AMD1: variants seen among roughly 807,000 people sequenced by gnomAD.
AMD1 encodes adenosylmethionine decarboxylase 1.
A neutral mutation model predicts 40.2 loss-of-function variants in AMD1; 11 were observed. The observed-to-expected ratio is 0.27, with a 90% CI of 0.17 to 0.45. The LOEUF is 0.45. Among genes scored for constraint, AMD1 ranks in the 20% least tolerant of loss-of-function variants. AMD1 has a pLI of 1.00. For synonymous variants in AMD1, 121 were observed against 130.8 expected (o/e 0.93, Z 0.51); for missense variants, 257 against 410.2 (o/e 0.63, Z 3.23).
the AMD1 span, among the ~76,000 whole-genome samples, chr6:110,818,339 C>T: frequency 5.3e-5 from 8 of 152,050 alleles, no homozygotes; most frequent in Admixed American, 2.6e-4. Context: ...GAGGAATTCT[C>T]ATTGGTTTAC....
In AMD1 at chr6:110,890,220, TC is replaced by T. The variant is rs770753047; in HGVS notation, c.325-33del. 23 of 1,419,902 alleles carry T rather than the reference TC, an allele frequency of 1.6e-5. No individual in the cohort carries two copies. In the African/African-American group the frequency reaches 2.6e-4, roughly 16 times the overall value. The allele number at this position is 1,419,902 out of a possible 1,614,324, so 88.0% of individuals were successfully genotyped here. On this transcript the variant is annotated intron_variant, in intron 3 of 8. Coordinates refer to ENST00000368885, the MANE Select transcript of AMD1 (RefSeq NM_001634.6). ...TGATAGAATTCTACATCTAAAGTCA[TC>T]TTTTTTTTTCTTTCTTTTCTTTTTT... is the stretch of plus-strand genomic sequence containing the variant.
At chr6:110,873,778 C>T (rs1784964526), upstream of AMD1, among the ~76,000 whole-genome samples, 1 of 152,116 alleles carries the variant, frequency 6.6e-6, no homozygotes, top group Non-Finnish European at 1.5e-5. Flanking sequence ...TAAGTTACCA[C>T]CAGTGATAGC....
the AMD1 span, among the ~76,000 whole-genome samples, chr6:110,854,979 GAGA>G: frequency 2.6e-5 from 4 of 151,098 alleles, no homozygotes; most frequent in Non-Finnish European, 4.4e-5. Flanking sequence ...TGTGGAAAAT[GAGA>G]AGGTTAGGTT....
chr6:110,858,973 T>A, the AMD1 span: 6 of 1,130,202 alleles, frequency 5.3e-6, no homozygotes, highest in Admixed American at 1.7e-5. Context: ...TCGCTGCAGA[T>A]GGGCTACACG....
chr6:110,891,967 A>T, intron 4 of AMD1, 194 bp from the exon 5 acceptor site: 2 of 648,742 alleles, frequency 3.1e-6, no homozygotes, highest in Non-Finnish European at 5.4e-6. Flanking sequence ...CGAACTCTTG[A>T]CCTCAAGCCC....
chr6:110,819,827 G>A, the AMD1 span, among the ~76,000 whole-genome samples: 1 of 152,176 alleles, frequency 6.6e-6, no homozygotes, highest in Non-Finnish European at 1.5e-5. Flanking sequence ...CAGTAAAGAA[G>A]CTAGACAAAA....
chr6:110,864,586 T>G, the AMD1 span: 10 of 152,210 alleles, frequency 6.6e-5, no homozygotes, highest in Non-Finnish European at 1.5e-4. Context: ...ACATGGGCTT[T>G]TAAATTTCAA....
At chr6:110,853,272 A>G in the AMD1 span, among the ~76,000 whole-genome samples, 1 of 150,102 alleles carries the variant, frequency 6.7e-6, no homozygotes, top group African/African-American at 2.4e-5. Flanking sequence ...ACAGGTGTGT[A>G]CTACCATGTT....
chr6:110,843,425 C>CT, the AMD1 span, among the ~76,000 whole-genome samples: 12 of 148,896 alleles, frequency 8.1e-5, no homozygotes, highest in Non-Finnish European at 1.3e-4. Flanking sequence ...GATGGCCCCA[C>CT]TGCACTCCAG....
rs1315173758 is a variant in AMD1 at position 110,895,475 on chromosome 6, G to C, written c.*1859G>C. ...TTTTTGTTTTGTTTTGTTTTGTTTT[G>C]TTTCCAATAGAATTAAGAATTCTAA... On this transcript the variant is annotated 3_prime_UTR_variant, in exon 9 of 9. Coordinates refer to ENST00000368885, the MANE Select transcript of AMD1 (RefSeq NM_001634.6). 1 of 146,200 alleles carries C rather than the reference G, an allele frequency of 6.8e-6. No homozygotes were observed. The highest frequency in any genetic ancestry group is 2.6e-5 in the African/African-American group (1 of 38,714). The allele number at this position is 146,200 out of a possible 1,614,324, so 9.1% of individuals were successfully genotyped here.
chr6:110,877,271 G>C (rs1268188782), intron 1 of AMD1, among the ~76,000 whole-genome samples: 3 of 152,218 alleles, frequency 2.0e-5, no homozygotes, highest in Non-Finnish European at 4.4e-5. Context: ...AGTTAAGCAA[G>C]AACTGAAAAA....
At chr6:110,880,337 C>T (rs1165126884) in intron 1 of AMD1, among the ~76,000 whole-genome samples, 3 of 152,100 alleles carry the variant, frequency 2.0e-5, no homozygotes, top group Non-Finnish European at 4.4e-5. Context: ...TCTTTTCACT[C>T]GTTTCTTTTG....
chr6:110,878,888 C>A (rs1785249067), intron 1 of AMD1, among the ~76,000 whole-genome samples: 1 of 152,174 alleles, frequency 6.6e-6, no homozygotes, highest in African/African-American at 2.4e-5. Flanking sequence ...CTCAGCTTAA[C>A]TTTCCCCAAA....
chr6:110,814,687 C>T, the AMD1 span: 1 of 551,464 alleles, frequency 1.8e-6, no homozygotes, highest in South Asian at 1.5e-5. Flanking sequence ...CCCCAAGAGA[C>T]TAGACCCCAC....
chr6:110,855,253 T>C, the AMD1 span, among the ~76,000 whole-genome samples: 1 of 151,882 alleles, frequency 6.6e-6, no homozygotes, highest in East Asian at 1.9e-4. Context: ...TCTGAAAATT[T>C]CCACATGTAC....
At chr6:110,831,224 A>G in the AMD1 span, among the ~76,000 whole-genome samples, 2 of 151,902 alleles carry the variant, frequency 1.3e-5, no homozygotes, top group African/African-American at 4.8e-5. Flanking sequence ...CAGATCACGA[A>G]GTCAGGAGTT....
chr6:110,839,915 G>A, the AMD1 span, among the ~76,000 whole-genome samples: 4 of 151,948 alleles, frequency 2.6e-5, no homozygotes, highest in Admixed American at 2.6e-4. Flanking sequence ...TCAGTTAACT[G>A]GGACATTTCC....
chr6:110,883,521 C>T (rs1348945136), intron 1 of AMD1, among the ~76,000 whole-genome samples: 1 of 152,202 alleles, frequency 6.6e-6, no homozygotes, highest in Non-Finnish European at 1.5e-5. Context: ...TGCCCCAATC[C>T]TCTTGTAGGC....
chr6:110,855,075 T>TTTTTTTTTTTTTTC, the AMD1 span, among the ~76,000 whole-genome samples: 1 of 144,486 alleles, frequency 6.9e-6, no homozygotes, highest in South Asian at 2.3e-4. Context: ...CTTTTTTTTT[T>TTTTTTTTTTTTTTC]TTTTTTTTTT....
Sources: gnomAD v4.1 joint callset for allele counts (sites outside exome capture counted in the v4.1 genomes callset) on GRCh38, gnomAD v4.1.1 for gene constraint, MANE v1.5 for transcripts, NCBI Gene and HGNC (gene_info 2026-07-23, HGNC 2026-07-21) for gene names.